SCHIP1: variants seen among roughly 807,000 people sequenced by gnomAD.
The protein encoded by SCHIP1 is schwannomin interacting protein 1.
Under a neutral mutation model 29.7 loss-of-function variants are expected in SCHIP1, and 8 were observed. The observed-to-expected ratio is 0.27, with a 90% confidence interval of 0.16 to 0.49. The LOEUF (loss-of-function observed/expected upper bound fraction) is 0.49, where lower values mean the gene tolerates loss of function less well. SCHIP1 is among the 20% of genes least tolerant of loss of function. The pLI, the probability that SCHIP1 is intolerant of heterozygous loss-of-function variation, is 0.99. For missense variants in SCHIP1, 193 were observed against 294.6 expected, an observed-to-expected ratio of 0.66 and a Z score of 2.52; for synonymous variants, 76 against 94.9, an observed-to-expected ratio of 0.80 and a Z score of 1.16.
the SCHIP1 span, among the ~76,000 whole-genome samples, chr3:159,351,680 G>T: frequency 1.3e-5 from 2 of 152,156 alleles, no homozygotes; most frequent in African/African-American, 4.8e-5. Context: ...TTCTTGCATC[G>T]ATTGTGTTTT....
At chr3:159,427,274 A>G in the SCHIP1 span, among the ~76,000 whole-genome samples, 2,519 of 151,684 alleles carry the variant, frequency 0.017, 59 homozygotes, top group African/African-American at 0.057. Flanking sequence ...CTCTTTGCAG[A>G]CGACATGATT....
At chr3:159,350,022 C>A in the SCHIP1 span, among the ~76,000 whole-genome samples, 1 of 152,098 alleles carries the variant, frequency 6.6e-6, no homozygotes, top group South Asian at 2.1e-4. Flanking sequence ...TAAAATAGTG[C>A]TTAGCTCTCA....
intron 1 of SCHIP1, among the ~76,000 whole-genome samples, chr3:159,862,892 C>A (rs1354383188): frequency 1.3e-5 from 2 of 151,986 alleles, no homozygotes; most frequent in Admixed American, 6.5e-5. Context: ...ACATTGCTGG[C>A]GGGCATGTGG....
At chr3:159,500,279 G>C in the SCHIP1 span, among the ~76,000 whole-genome samples, 2 of 152,094 alleles carry the variant, frequency 1.3e-5, no homozygotes, top group African/African-American at 2.4e-5. Flanking sequence ...TCTCAGATAC[G>C]TGCCAGGGCA....
chr3:159,571,627 G>A, the SCHIP1 span, among the ~76,000 whole-genome samples: 1 of 152,264 alleles, frequency 6.6e-6, no homozygotes, highest in South Asian at 2.1e-4. Context: ...GTATCAGGAT[G>A]ATGTTGGCCT....
At chr3:159,544,980 T>C in the SCHIP1 span, among the ~76,000 whole-genome samples, 1 of 152,160 alleles carries the variant, frequency 6.6e-6, no homozygotes, top group Non-Finnish European at 1.5e-5. Context: ...CACTTTCACA[T>C]TTAAACAAGT....
At chr3:159,671,660 G>A in the SCHIP1 span, among the ~76,000 whole-genome samples, 1 of 152,128 alleles carries the variant, frequency 6.6e-6, no homozygotes, top group East Asian at 1.9e-4. Flanking sequence ...TGGTGCAGAT[G>A]CCTAAGCTGT....
At chr3:159,317,253 G>A in the SCHIP1 span, among the ~76,000 whole-genome samples, 1 of 152,142 alleles carries the variant, frequency 6.6e-6, no homozygotes, top group African/African-American at 2.4e-5. Context: ...TTCCTTCTTA[G>A]ACTGTTGACT....
the SCHIP1 span, among the ~76,000 whole-genome samples, chr3:159,538,535 G>C: frequency 6.6e-6 from 1 of 152,054 alleles, no homozygotes; most frequent in Non-Finnish European, 1.5e-5. Flanking sequence ...ATAATTTACT[G>C]TGCATAATAC....
In SCHIP1 at chr3:159,847,596, T is replaced by G. The variant is rs1188151810; in HGVS notation, c.30+7382T>G. Among the ~76,000 whole-genome samples the G allele has an allele frequency of 2.0e-5, 3 of 152,160 alleles. No individual in the cohort carries two copies. The East Asian group carries it at 5.8e-4, about 29-fold the overall frequency. On this transcript the variant is annotated intron_variant, in intron 1 of 6. Transcript: ENST00000445224. ...ATGAGGACATTAAAATTGGTTCCAC[T>G]TGGAAGCTGTGCGATGGTCATCAGA...
chr3:159,622,226 A>T, the SCHIP1 span, among the ~76,000 whole-genome samples: 1 of 152,232 alleles, frequency 6.6e-6, no homozygotes, highest in African/African-American at 2.4e-5. Flanking sequence ...ACACACAGGC[A>T]GGGGCACAGC....
At chr3:159,717,107 T>C in the SCHIP1 span, among the ~76,000 whole-genome samples, 1 of 152,094 alleles carries the variant, frequency 6.6e-6, no homozygotes, top group East Asian at 1.9e-4. Flanking sequence ...TCATGGAAAC[T>C]GAACAACCTG....
At chr3:159,360,370 G>A in the SCHIP1 span, among the ~76,000 whole-genome samples, 1 of 152,254 alleles carries the variant, frequency 6.6e-6, no homozygotes, top group East Asian at 1.9e-4. Context: ...AACTACCACT[G>A]CAAACAGGAA....
At chr3:159,590,508 AGG>A in the SCHIP1 span, among the ~76,000 whole-genome samples, 1 of 152,064 alleles carries the variant, frequency 6.6e-6, no homozygotes, top group Non-Finnish European at 1.5e-5. Flanking sequence ...CCCAGGAGAC[AGG>A]GGTTGCAGTG....
chr3:159,577,649 A>G, the SCHIP1 span, among the ~76,000 whole-genome samples: 1 of 152,314 alleles, frequency 6.6e-6, no homozygotes, highest in South Asian at 2.1e-4. Flanking sequence ...GTTCTCATGC[A>G]TGACTGCAGG....
chr3:159,579,918 T>A, the SCHIP1 span, among the ~76,000 whole-genome samples: 1 of 152,006 alleles, frequency 6.6e-6, no homozygotes, highest in Non-Finnish European at 1.5e-5. Flanking sequence ...GGGAAAAAAA[T>A]TTAAAAAATG....
the SCHIP1 span, among the ~76,000 whole-genome samples, chr3:159,487,353 G>T: frequency 2.0e-5 from 3 of 152,058 alleles, no homozygotes; most frequent in Non-Finnish European, 4.4e-5. Flanking sequence ...GTATCCCATG[G>T]TTTACGGCTG....
chr3:159,273,516 G>A, the SCHIP1 span: 3 of 1,152,940 alleles, frequency 2.6e-6, no homozygotes, highest in East Asian at 9.8e-5. Flanking sequence ...GAGTAGCCTT[G>A]TCTTCTCTGT....
chr3:159,394,743 C>G, the SCHIP1 span, among the ~76,000 whole-genome samples: 3 of 152,160 alleles, frequency 2.0e-5, no homozygotes, highest in Non-Finnish European at 4.4e-5. Context: ...ATTTTTGCAT[C>G]AATATTCATC....
Sources: gnomAD v4.1 joint callset for allele counts (sites outside exome capture counted in the v4.1 genomes callset) on GRCh38, gnomAD v4.1.1 for gene constraint, MANE v1.5 for transcripts, NCBI Gene and HGNC (gene_info 2026-07-23, HGNC 2026-07-21) for gene names.